LAMA2: variants seen among roughly 807,000 people sequenced by gnomAD.
LAMA2 encodes laminin subunit alpha 2, also known as laminin subunit alpha-2.
LAMA2 carries 269 observed loss-of-function variants against 364.8 expected under a neutral mutation model. The ratio of observed to expected loss-of-function variants is 0.74; its 90% CI spans 0.67 to 0.82. LAMA2 has a LOEUF of 0.82. Among genes scored for constraint, LAMA2 ranks in the 40% least tolerant of loss-of-function variants. The pLI, the probability that LAMA2 is intolerant of heterozygous loss-of-function variation, is 0.00. For missense variants in LAMA2, 3,807 were observed against 3,873.2 expected, an observed-to-expected ratio of 0.98 and a Z score of 0.45; for synonymous variants, 1,379 against 1,370.6, an observed-to-expected ratio of 1.01 and a Z score of -0.14.
chr6:129,223,770 G>A (rs1201972562), intron 12 of LAMA2, among the ~76,000 whole-genome samples: 7 of 152,144 alleles, frequency 4.6e-5, no homozygotes, highest in African/African-American at 1.4e-4. Context: ...TTGAAGTCAG[G>A]TAGCATGATG....
intron 22 of LAMA2, among the ~76,000 whole-genome samples, chr6:129,308,423 G>T (rs892286370): frequency 6.6e-6 from 1 of 152,156 alleles, no homozygotes; most frequent in African/African-American, 2.4e-5. Context: ...TCTTGAAATT[G>T]AAGTTGATAC....
chr6:129,267,048 C>T, intron 15 of LAMA2, 58 bp from the exon 16 acceptor site: 1 of 1,116,462 alleles, frequency 9.0e-7, no homozygotes, highest in Admixed American at 1.7e-5. Context: ...CACAAACAAA[C>T]AAAAACACCT....
At chr6:129,083,507 CT>C (rs1774190163) in intron 3 of LAMA2, among the ~76,000 whole-genome samples, 1 of 152,148 alleles carries the variant, frequency 6.6e-6, no homozygotes, top group Admixed American at 6.6e-5. Context: ...AATCTTCTTT[CT>C]TTGTTCTTTA....
At chr6:129,221,180 T>TA (rs998548106) in intron 12 of LAMA2, among the ~76,000 whole-genome samples, 4 of 143,740 alleles carry the variant, frequency 2.8e-5, no homozygotes, top group African/African-American at 7.6e-5. Context: ...AAATAAAAAT[T>TA]AAAAAAAAAG....
At chr6:129,360,019 T>C (rs867152335) in intron 32 of LAMA2, among the ~76,000 whole-genome samples, 1 of 152,192 alleles carries the variant, frequency 6.6e-6, no homozygotes, top group African/African-American at 2.4e-5. Context: ...GACACTTTTA[T>C]AGGCAAAGCC....
intron 1 of LAMA2, among the ~76,000 whole-genome samples, chr6:128,912,024 A>G (rs1255688600): frequency 6.6e-6 from 1 of 152,046 alleles, no homozygotes; most frequent in Non-Finnish European, 1.5e-5. Flanking sequence ...ATGTACCTCC[A>G]TTTTTATTTT....
At chr6:129,306,313 CTTTTT>C (rs11315443) in intron 22 of LAMA2, among the ~76,000 whole-genome samples, 2 of 70,392 alleles carry the variant, frequency 2.8e-5, no homozygotes, top group African/African-American at 5.3e-5. Context: ...TAATTTTTTC[CTTTTT>C]TTTTTTTTTT....
chr6:129,462,046 C>T lies in LAMA2; in HGVS notation c.6992+1722C>T, dbSNP rs140242998. On this transcript the variant is annotated intron_variant, in intron 49 of 64. Coordinates refer to ENST00000421865, the MANE Select transcript of LAMA2 (RefSeq NM_000426.4). Reference sequence around the variant, plus strand: ...AATGGTCTTGACCTGAGGTAAGAGTCCAAAAAGAGGAGATAGCAGAAGAAA... The same window carrying T: ...AATGGTCTTGACCTGAGGTAAGAGTTCAAAAAGAGGAGATAGCAGAAGAAA... 9.6e-3 allele frequency among the ~76,000 whole-genome samples: 1,451 copies of T among 151,874 alleles called. 23 individuals are homozygous for T. Among genetic ancestry groups the T allele is most frequent in the Non-Finnish European group, 0.012 (797 of 67,912 alleles).
intron 2 of LAMA2, among the ~76,000 whole-genome samples, chr6:129,051,547 A>G (rs1431912794): frequency 7.5e-5 from 1 of 13,328 alleles, no homozygotes; most frequent in Non-Finnish European, 2.6e-4. Context: ...CCTGACCTCA[A>G]GTGATCACCC....
At chr6:129,053,779 A>G (rs1024459133) in intron 2 of LAMA2, among the ~76,000 whole-genome samples, 51 of 152,336 alleles carry the variant, frequency 3.3e-4, no homozygotes, top group African/African-American at 1.1e-3. Flanking sequence ...GAGGTAATAA[A>G]TGAATGATGA....
At chr6:129,508,189 G>A (rs1261471715) in intron 62 of LAMA2, among the ~76,000 whole-genome samples, 1 of 151,508 alleles carries the variant, frequency 6.6e-6, no homozygotes, top group Non-Finnish European at 1.5e-5. Context: ...TTAGGAAAAA[G>A]AAATAGGAAA....
chr6:129,104,683 T>C (rs1173303501), intron 4 of LAMA2, among the ~76,000 whole-genome samples: 1 of 152,190 alleles, frequency 6.6e-6, no homozygotes, highest in African/African-American at 2.4e-5. Flanking sequence ...TTAATCTTAA[T>C]TGCATCATCT....
rs148647000 is a variant in LAMA2 at position 129,445,552 on chromosome 6, C to T, written c.6275-115C>T. 3.4e-4 allele frequency: 297 copies of T among 884,032 alleles called. No homozygotes were observed. The African/African-American group carries it at 3.9e-3, about 12-fold the overall frequency. The allele number at this position is 884,032 out of a possible 1,614,324, so 54.8% of individuals were successfully genotyped here. ...CACATTTTGCTTTAGCTGTTATGGC[C>T]ATGCTTTGTCACATTAATAAGATGA... On this transcript the variant is annotated intron_variant, in intron 44 of 64. Coordinates refer to ENST00000421865, the MANE Select transcript of LAMA2 (RefSeq NM_000426.4).
intron 62 of LAMA2, 81 bp from the exon 63 acceptor site, chr6:129,512,282 T>G: frequency 2.2e-6 from 3 of 1,341,866 alleles, no homozygotes. Context: ...TGAAATATAA[T>G]AAAAAGTCAT....
intron 1 of LAMA2, among the ~76,000 whole-genome samples, chr6:128,904,924 A>G (rs905701322): frequency 2.0e-5 from 3 of 152,226 alleles, no homozygotes; most frequent in Non-Finnish European, 4.4e-5. Context: ...AGATAACAGA[A>G]TAACGTCTCT....
intron 1 of LAMA2, among the ~76,000 whole-genome samples, chr6:129,037,557 A>G (rs1043866499): frequency 2.1e-4 from 32 of 152,238 alleles, no homozygotes; most frequent in South Asian, 2.1e-4. Context: ...ATGTGTGTGT[A>G]TGTGTGTGTA....
intron 34 of LAMA2, among the ~76,000 whole-genome samples, chr6:129,371,247 ATGTGTGTG>A (rs66522065): frequency 2.2e-4 from 32 of 148,376 alleles, no homozygotes; most frequent in African/African-American, 3.2e-4. Flanking sequence ...GAACTTTGAG[ATGTGTGTG>A]TGTGTGTGTG....
intron 3 of LAMA2, among the ~76,000 whole-genome samples, chr6:129,086,007 T>A (rs1486789736): frequency 3.9e-5 from 6 of 152,198 alleles, no homozygotes; most frequent in African/African-American, 1.4e-4. Flanking sequence ...GCCGTCTCAT[T>A]TTTTCCTTTT....
chr6:129,034,302 G>T (rs1159904916), intron 1 of LAMA2, among the ~76,000 whole-genome samples: 4 of 152,052 alleles, frequency 2.6e-5, no homozygotes, highest in Non-Finnish European at 4.4e-5. Flanking sequence ...TGAAGTGATT[G>T]GTTACAGGTA....
Sources: gnomAD v4.1 joint callset for allele counts (sites outside exome capture counted in the v4.1 genomes callset) on GRCh38, gnomAD v4.1.1 for gene constraint, MANE v1.5 for transcripts, NCBI Gene and HGNC (gene_info 2026-07-23, HGNC 2026-07-21) for gene names.